Variants in NMT1 observed in about 807,000 individuals in gnomAD.
The protein encoded by NMT1 is glycylpeptide N-tetradecanoyltransferase 1.
NMT1 carries 12 observed loss-of-function variants against 63.4 expected under a neutral mutation model. That is an observed-to-expected ratio of 0.19 (90% CI 0.12 to 0.31). The LOEUF (loss-of-function observed/expected upper bound fraction) is 0.31, where lower values mean the gene tolerates loss of function less well. NMT1 is among the 10% of genes least tolerant of loss of function. NMT1 has a pLI of 1.00. For synonymous variants in NMT1, 228 were observed against 234.3 expected, an observed-to-expected ratio of 0.97 and a Z score of 0.25; for missense variants, 432 against 634.6, an observed-to-expected ratio of 0.68 and a Z score of 3.43.
At chr17:45,084,715 G>T (rs150017271) in intron 2 of NMT1, among the ~76,000 whole-genome samples, 2 of 151,122 alleles carry the variant, frequency 1.3e-5, no homozygotes, top group Non-Finnish European at 2.9e-5. Flanking sequence ...CAGTCCTCCC[G>T]CCTCAGCCTC....
intron 1 of NMT1, among the ~76,000 whole-genome samples, chr17:45,070,249 C>CTT (rs1181254255): frequency 4.8e-5 from 7 of 147,078 alleles, no homozygotes; most frequent in Admixed American, 6.9e-5. Flanking sequence ...CCCAGGGTAC[C>CTT]TTTTTTTGTG....
chr17:45,077,551 C>T (rs976549858), intron 1 of NMT1, among the ~76,000 whole-genome samples: 3 of 152,128 alleles, frequency 2.0e-5, no homozygotes, highest in Admixed American at 6.6e-5. Context: ...CCACCACGCC[C>T]GGCTAATTTT....
chr17:45,085,038 A>G (rs2054043169), intron 2 of NMT1, among the ~76,000 whole-genome samples: 1 of 151,830 alleles, frequency 6.6e-6, no homozygotes, highest in African/African-American at 2.4e-5. Context: ...GCTTGAGCCC[A>G]GGAGTTCGAG....
In NMT1 at chr17:45,097,253, C is replaced by T. The variant is rs1567870697; in HGVS notation, c.713+9C>T. On this transcript the variant is annotated intron_variant, in intron 6 of 11. Coordinates refer to ENST00000258960, the MANE Select transcript of NMT1 (RefSeq NM_021079.5). ...ATCCATATCTATGACACGTAAGCAC[C>T]TGCACCTACCCCCACCCCCCACAAC... 2 of 1,585,308 alleles carry T rather than the reference C, an allele frequency of 1.3e-6. No homozygotes were observed. Among genetic ancestry groups the T allele is most frequent in the African/African-American group, 2.7e-5 (2 of 74,300 alleles).
chr17:45,079,584 C>G (rs1030759887), intron 1 of NMT1, among the ~76,000 whole-genome samples: 3 of 152,224 alleles, frequency 2.0e-5, no homozygotes, highest in Non-Finnish European at 4.4e-5. Flanking sequence ...GGCTAAGAAA[C>G]TTTTTGCTTC....
rs964751422 is a variant in NMT1 at position 45,105,817 on chromosome 17, C to T, written c.*178C>T. The stretch of plus-strand genomic sequence containing the variant: ...AATTGTATTGCGATGGCGTGGGCTG[C>T]GTGACGTCACCTCCGGTCGTGTCTC... On this transcript the variant is annotated 3_prime_UTR_variant, in exon 12 of 12. Transcript: ENST00000258960. This position sits in a 1 kb window ranked among gnomAD's most constrained non-coding sequence, Gnocchi z 4.2. 5.8e-5 allele frequency: 34 copies of T among 582,782 alleles called. No homozygotes were observed. The highest frequency in any genetic ancestry group is 9.6e-5 in the African/African-American group (5 of 52,232). 36.1% of individuals were successfully genotyped at this position (582,782 alleles called of 1,614,324 possible).
rs1424887498 is a variant in NMT1, at chr17:45,105,209, A to G, written c.1470+213A>G. On this transcript the variant is annotated intron_variant, in intron 11 of 11. Coordinates refer to ENST00000258960, the MANE Select transcript of NMT1 (RefSeq NM_021079.5). This position sits in a 1 kb window ranked among gnomAD's most constrained non-coding sequence, Gnocchi z 4.2. ...TGAGGATGGCAGAGGGGACAGAGCC[A>G]CACAGTAGCACGAAGATCATCTCCA... Among the ~76,000 whole-genome samples the G allele has an allele frequency of 6.6e-6, 1 of 152,208 alleles. No homozygotes were observed. Among genetic ancestry groups the G allele is most frequent in the Admixed American group, 6.5e-5 (1 of 15,290 alleles).
chr17:45,103,073 G>A lies in NMT1; in HGVS notation c.1116G>A (p.Glu372=), dbSNP rs2054178531. The change falls in exon 9 of 12, where the codon GAG becomes GAA. Residue 372 remains glutamate (E), a synonymous_variant. Coordinates refer to ENST00000258960, the MANE Select transcript of NMT1 (RefSeq NM_021079.5). The surrounding 1 kb of genome is among the most constrained non-coding windows in gnomAD (Gnocchi z 4.8). ...LTPVMSQEEV[E]HWFYPQENII... ...CCGTCATGAGCCAGGAGGAGGTGGAGCACTGGTTCTACCCCCAGGAGAATA... is the reference window on the plus strand; with the variant it reads ...CCGTCATGAGCCAGGAGGAGGTGGAACACTGGTTCTACCCCCAGGAGAATA... 1 of 1,613,972 alleles carries A rather than the reference G, an allele frequency of 6.2e-7. No homozygotes were observed. The highest frequency in any genetic ancestry group is 8.5e-7 in the Non-Finnish European group (1 of 1,179,870).
At chr17:45,083,689 C>T (rs760933047) in intron 2 of NMT1, 1 of 152,130 alleles carries the variant, frequency 6.6e-6, no homozygotes, top group Admixed American at 6.6e-5. Context: ...CATGGCTGAC[C>T]GCAGCCTCAA....
intron 3 of NMT1, among the ~76,000 whole-genome samples, chr17:45,089,635 C>T (rs976806029): frequency 1.3e-5 from 2 of 150,218 alleles, no homozygotes; most frequent in East Asian, 2.0e-4. Context: ...CTACCGCACC[C>T]GGCCCTCTCT....
Position 45,095,573 on chromosome 17 carries a change from G to A in NMT1, c.505-621G>A, listed in dbSNP as rs1286954594. Among the ~76,000 whole-genome samples the A allele has an allele frequency of 2.0e-5, 3 of 152,050 alleles. No homozygotes were observed. The East Asian group carries it at 5.8e-4, about 29-fold the overall frequency. Reference sequence around the variant, plus strand: ...CCCAGGAGTTCAAAATCAATCAGCCGGGTCAATATAGTGAGACTGCCCCCG... The same window carrying A: ...CCCAGGAGTTCAAAATCAATCAGCCAGGTCAATATAGTGAGACTGCCCCCG... On this transcript the variant is annotated intron_variant, in intron 4 of 11. Coordinates refer to ENST00000258960, the MANE Select transcript of NMT1 (RefSeq NM_021079.5).
At chr17:45,088,450 C>T (rs551342027) in intron 3 of NMT1, among the ~76,000 whole-genome samples, 1 of 152,304 alleles carries the variant, frequency 6.6e-6, no homozygotes, top group South Asian at 2.1e-4. Flanking sequence ...CAGATAGTGG[C>T]ACTTGGGAAA....
At chr17:45,089,082 G>T (rs7502512) in intron 3 of NMT1, among the ~76,000 whole-genome samples, 109,736 of 152,134 alleles carry the variant, frequency 0.72, 40,623 homozygotes, top group African/African-American at 0.89. Context: ...TTAGATTCCT[G>T]TGTTTGTGTC....
At chr17:45,097,366 G>A (rs1157732800) in intron 6 of NMT1, 122 bp downstream of exon 6, 1 of 790,664 alleles carries the variant, frequency 1.3e-6, no homozygotes, top group Non-Finnish European at 2.2e-6. Flanking sequence ...CAGGAAGGGA[G>A]GATGCCCAGG....
rs2054015937 is a variant in NMT1 at position 45,081,324 on chromosome 17, A to G, written c.132-320A>G. Among the ~76,000 whole-genome samples, 2 of 152,226 alleles carry G rather than the reference A, an allele frequency of 1.3e-5. 1 individual carries two copies. Among genetic ancestry groups the G allele is most frequent in the South Asian group, 4.1e-4 (2 of 4,832 alleles). ...GTATTGTGGTATGAATGCCTTGTTA[A>G]CAATTATCATTCGTCTTTGGTGCCA... On this transcript the variant is annotated intron_variant, in intron 1 of 11. Coordinates refer to ENST00000258960, the MANE Select transcript of NMT1 (RefSeq NM_021079.5).
intron 1 of NMT1, among the ~76,000 whole-genome samples, chr17:45,066,214 C>T (rs750797221): frequency 6.6e-6 from 1 of 151,970 alleles, no homozygotes; most frequent in African/African-American, 2.4e-5. Context: ...CTGCCACACC[C>T]GGCTAATTTT....
chr17:45,075,797 C>G (rs1430121328), intron 1 of NMT1, among the ~76,000 whole-genome samples: 1 of 151,992 alleles, frequency 6.6e-6, no homozygotes, highest in African/African-American at 2.4e-5. Flanking sequence ...AGGCCAGGCA[C>G]GGTGGCTTAC....
At chr17:45,093,909 C>A in intron 4 of NMT1, 106 bp downstream of exon 4, 2 of 887,232 alleles carry the variant, frequency 2.3e-6, no homozygotes, top group Non-Finnish European at 3.6e-6. Flanking sequence ...AGAGCTGAGC[C>A]AAGGAGGTCT....
intron 3 of NMT1, among the ~76,000 whole-genome samples, chr17:45,089,636 G>A (rs982300177): frequency 6.6e-6 from 1 of 150,408 alleles, no homozygotes; most frequent in Non-Finnish European, 1.5e-5. Flanking sequence ...TACCGCACCC[G>A]GCCCTCTCTT....
Sources: allele counts gnomAD v4.1 joint callset (sites outside exome capture counted in the v4.1 genomes callset), GRCh38; gene constraint gnomAD v4.1.1; non-coding constraint Gnocchi (gnomAD v3.1); transcripts MANE v1.5; gene names NCBI Gene and HGNC (gene_info 2026-07-23, HGNC 2026-07-21).